AKAIN1: variants seen among roughly 807,000 people sequenced by gnomAD.
The protein encoded by AKAIN1 is A-kinase anchor protein inhibitor 1.
Under a neutral mutation model 3.7 loss-of-function variants are expected in AKAIN1, and 3 were observed. The observed-to-expected ratio is 0.82, with a 90% CI of 0.37 to 2.12. The LOEUF (loss-of-function observed/expected upper bound fraction) is 2.12, where lower values mean the gene tolerates loss of function less well. AKAIN1 is among the 30% of genes most tolerant of loss of function. The pLI, the probability that AKAIN1 is intolerant of heterozygous loss-of-function variation, is 0.06. For missense variants in AKAIN1, 82 were observed against 82.7 expected (o/e 0.99, Z 0.03); for synonymous variants, 31 against 30.8 (o/e 1.01, Z -0.02).
chr18:5,167,926 TATCTC>T (rs777411614), intron 1 of AKAIN1, among the ~76,000 whole-genome samples: 2 of 152,110 alleles, frequency 1.3e-5, no homozygotes, highest in Non-Finnish European at 2.9e-5. Context: ...TTTCATGAAT[TATCTC>T]ATCTATTTCT....
At chr18:5,197,470 G>A, upstream of AKAIN1, 2 of 1,106,354 alleles carry the variant, frequency 1.8e-6, no homozygotes, top group Non-Finnish European at 2.2e-6. The surrounding 1 kb of genome is among the most constrained non-coding windows in gnomAD (Gnocchi z 6.9). Context: ...GCTCGTCGCC[G>A]TGGATATTGG....
rs1215851664 is a variant in AKAIN1 at position 5,144,447 on chromosome 18, G to A, written c.*1115C>T. Among the ~76,000 whole-genome samples the A allele has an allele frequency of 1.3e-5, 2 of 152,216 alleles. No homozygotes were observed. The highest frequency in any genetic ancestry group is 2.4e-5 in the African/African-American group (1 of 41,458). ...AAATATGTGCATTATCCTCACAGAA[G>A]TGGAGCAGGGATTGATCCTGTTGCT... On this transcript the variant is annotated 3_prime_UTR_variant, in exon 2 of 2. Coordinates refer to ENST00000434239, the MANE Select transcript of AKAIN1 (RefSeq NM_001145194.2).
At chr18:5,197,619 C>T (rs1013225241), upstream of AKAIN1, 2 of 463,118 alleles carry the variant, frequency 4.3e-6, no homozygotes, top group Non-Finnish European at 7.0e-6. This position sits in a 1 kb window ranked among gnomAD's most constrained non-coding sequence, Gnocchi z 6.9. Flanking sequence ...CCTGGAGGTC[C>T]GTGAGTCCTC....
chr18:5,148,467 A>T (rs887239168), intron 1 of AKAIN1, among the ~76,000 whole-genome samples: 4 of 152,220 alleles, frequency 2.6e-5, no homozygotes, highest in Admixed American at 1.3e-4. Context: ...CTCTTCTGAC[A>T]TTCTATTGAG....
intron 1 of AKAIN1, 147 bp from the exon 2 acceptor site, chr18:5,145,902 G>A (rs990043243): frequency 1.8e-5 from 12 of 656,174 alleles, no homozygotes; most frequent in African/African-American, 3.6e-5. Flanking sequence ...AAGCCCACTA[G>A]AGCACATACA....
chr18:5,162,447 C>T (rs1221879277), intron 1 of AKAIN1, among the ~76,000 whole-genome samples: 1 of 152,090 alleles, frequency 6.6e-6, no homozygotes, highest in East Asian at 1.9e-4. Context: ...AGAAAATCCA[C>T]ATTTCCTGGT....
intron 1 of AKAIN1, among the ~76,000 whole-genome samples, chr18:5,155,110 T>A (rs1375111810): frequency 1.3e-5 from 2 of 152,030 alleles, no homozygotes; most frequent in Admixed American, 1.3e-4. Flanking sequence ...AGTCTCGAAC[T>A]CCTGGGCTCA....
chr18:5,168,593 C>G (rs1310091542), intron 1 of AKAIN1, among the ~76,000 whole-genome samples: 3 of 152,048 alleles, frequency 2.0e-5, no homozygotes, highest in Non-Finnish European at 2.9e-5. Context: ...TTGAAGCCCA[C>G]TACAAATTTT....
At chr18:5,194,619 A>G (rs2071338078) in intron 1 of AKAIN1, among the ~76,000 whole-genome samples, 1 of 152,214 alleles carries the variant, frequency 6.6e-6, no homozygotes, top group South Asian at 2.1e-4. Flanking sequence ...CAGTTAGCTG[A>G]GGCAAGTTCA....
rs763092839 is a variant in AKAIN1 at position 5,181,903 on chromosome 18, T to G, written c.16+15135A>C. 8.4e-4 allele frequency among the ~76,000 whole-genome samples: 128 copies of G among 152,218 alleles called. 1 individual carries two copies. The highest frequency in any genetic ancestry group is 8.1e-4 in the Non-Finnish European group (55 of 67,986). On this transcript the variant is annotated intron_variant, in intron 1 of 1. Transcript: ENST00000434239. ...CCTCACAATACAAATTGACCCTACCTAAGTAATGAAGTATTAAAAACATAA... is the reference window on the plus strand; with the variant it reads ...CCTCACAATACAAATTGACCCTACCGAAGTAATGAAGTATTAAAAACATAA...
At chr18:5,151,169 AACAG>A (rs2071077920) in intron 1 of AKAIN1, among the ~76,000 whole-genome samples, 1 of 152,198 alleles carries the variant, frequency 6.6e-6, no homozygotes. Context: ...GCTGCTGGTA[AACAG>A]GGAGGAATTA....
Position 5,197,237 on chromosome 18 carries a change from C to G in AKAIN1, c.-184G>C. ...CTGGGGCCGCAGCTCCAGCCGCCGCCGCGCGCTCTGCCTCCACAATGCGGC... is the reference window on the plus strand; with the variant it reads ...CTGGGGCCGCAGCTCCAGCCGCCGCGGCGCGCTCTGCCTCCACAATGCGGC... On this transcript the variant is annotated 5_prime_UTR_variant, in exon 1 of 2. Coordinates refer to ENST00000434239, the MANE Select transcript of AKAIN1 (RefSeq NM_001145194.2). The surrounding 1 kb of genome is among the most constrained non-coding windows in gnomAD (Gnocchi z 6.9). The G allele has an allele frequency of 7.2e-7, 1 of 1,382,946 alleles. No individual in the cohort carries two copies. The highest frequency in any genetic ancestry group is 2.9e-5 in the East Asian group (1 of 34,158). 85.7% of individuals were successfully genotyped at this position (1,382,946 alleles called of 1,614,324 possible).
intron 1 of AKAIN1, among the ~76,000 whole-genome samples, chr18:5,181,574 T>C (rs998191832): frequency 2.0e-5 from 3 of 152,136 alleles, no homozygotes; most frequent in Non-Finnish European, 2.9e-5. Context: ...TAAAGGTCAT[T>C]AGTGAGAGCT....
intron 1 of AKAIN1, 100 bp downstream of exon 1, chr18:5,196,938 A>T: frequency 9.2e-7 from 1 of 1,083,370 alleles, no homozygotes. Context: ...CGAAACGCGC[A>T]GATGGGCCGT....
In AKAIN1 at chr18:5,143,078, G is replaced by C. The variant is rs972368524; in HGVS notation, c.*2484C>G. On this transcript the variant is annotated 3_prime_UTR_variant, in exon 2 of 2. Transcript: ENST00000434239. ...TATGCAGTAAATCAGAAAGATAAAG[G>C]ACACTAAGTAAATGTTCCCACTCAT... Among the ~76,000 whole-genome samples, 10 of 152,138 alleles carry C rather than the reference G, an allele frequency of 6.6e-5. No homozygotes were observed. Among genetic ancestry groups the C allele is most frequent in the African/African-American group, 2.4e-4 (10 of 41,420 alleles).
At chr18:5,168,353 T>C (rs2071178239) in intron 1 of AKAIN1, among the ~76,000 whole-genome samples, 1 of 152,114 alleles carries the variant, frequency 6.6e-6, no homozygotes, top group Non-Finnish European at 1.5e-5. Context: ...AGGCTACCAT[T>C]GCTTGAGCAC....
chr18:5,183,629 T>C (rs11877897), intron 1 of AKAIN1, among the ~76,000 whole-genome samples: 18,418 of 151,812 alleles, frequency 0.12, 1,162 homozygotes, highest in Non-Finnish European at 0.12. Context: ...AGTTTAAAAG[T>C]AAAAATGAAG....
intron 1 of AKAIN1, among the ~76,000 whole-genome samples, chr18:5,148,162 A>G (rs2071059851): frequency 3.9e-5 from 6 of 152,240 alleles, no homozygotes; most frequent in Admixed American, 3.9e-4. Context: ...GAATAGACTA[A>G]GCTGTTGTAA....
intron 1 of AKAIN1, among the ~76,000 whole-genome samples, chr18:5,163,503 A>T (rs923341701): frequency 6.6e-6 from 1 of 152,054 alleles, no homozygotes; most frequent in African/African-American, 2.4e-5. Context: ...ATAATTTTTG[A>T]CTTGTTGAGA....
Sources: allele counts gnomAD v4.1 joint callset (sites outside exome capture counted in the v4.1 genomes callset), GRCh38; gene constraint gnomAD v4.1.1; non-coding constraint Gnocchi (gnomAD v3.1); transcripts MANE v1.5; gene names NCBI Gene and HGNC (gene_info 2026-07-23, HGNC 2026-07-21).